The following GNA12 variants were observed in gnomAD, a reference collection of about 807,000 sequenced individuals.
The protein encoded by GNA12 is guanine nucleotide-binding protein subunit alpha-12.
Under a neutral mutation model 26.0 loss-of-function variants are expected in GNA12, and 9 were observed. That is an observed-to-expected ratio of 0.35 (90% CI 0.21 to 0.60). The LOEUF is 0.60. Ranked by LOEUF, GNA12 falls within the 20% of genes least tolerant of loss-of-function variation. The probability of loss-of-function intolerance (pLI) is 0.78; values close to 1 mark genes in which losing one functional copy is unlikely to be tolerated. For missense variants in GNA12, 405 were observed against 525.8 expected (o/e 0.77, Z 2.25); for synonymous variants, 264 against 219.6 (o/e 1.20, Z -1.79).
chr7:2,836,021 G>A, intron 1 of GNA12: 1 of 324,220 alleles, frequency 3.1e-6, no homozygotes, highest in South Asian at 4.1e-5. Context: ...GCTGATGAAA[G>A]TTAAACATTT....
intron 2 of GNA12, among the ~76,000 whole-genome samples, chr7:2,768,691 A>AAAAAAAAC (rs1791874212): frequency 7.0e-6 from 1 of 142,588 alleles, no homozygotes. Context: ...ACAAAACAAA[A>AAAAAAAAC]AAAAAAACAG....
In GNA12 at chr7:2,814,342, C is replaced by T. The variant is rs376754720; in HGVS notation, c.310-19199G>A. The T allele has an allele frequency of 2.9e-5, 47 of 1,602,988 alleles. 4 individuals carry two copies. The Middle Eastern group carries it at 6.6e-3, about 227-fold the overall frequency. On this transcript the variant is annotated intron_variant, in intron 1 of 3. Transcript: ENST00000275364. Reference sequence around the variant, plus strand: ...ACCCAGGGTGTGCAATGAGTAGGTGCTCAAAACGGCAGCACTTTCGGTTTC... The same window carrying T: ...ACCCAGGGTGTGCAATGAGTAGGTGTTCAAAACGGCAGCACTTTCGGTTTC...
intron 1 of GNA12, among the ~76,000 whole-genome samples, chr7:2,834,016 T>C: frequency 6.6e-6 from 1 of 152,214 alleles, no homozygotes; most frequent in Non-Finnish European, 1.5e-5. Flanking sequence ...GGGCCACTAG[T>C]AGGCCCACTC....
chr7:2,748,126 C>T (rs1790856687), intron 2 of GNA12, among the ~76,000 whole-genome samples: 3 of 150,884 alleles, frequency 2.0e-5, no homozygotes, highest in Middle Eastern at 3.2e-3. Flanking sequence ...ATCAAGCTAC[C>T]AATGACTTTC....
Position 2,731,717 on chromosome 7 carries a change from C to T in GNA12, c.610G>A (p.Ala204Thr). 1 of 1,568,236 alleles carries T rather than the reference C, an allele frequency of 6.4e-7. No homozygotes were observed. Among genetic ancestry groups the T allele is most frequent in the Non-Finnish European group, 8.7e-7 (1 of 1,152,760 alleles). ...ACAATTCCCTTGGTGGCTTTCCTAG[C>T]CAGCAGGATATCTTGCTTACTAGGA... ...YFPSKQDILL[A>T]RKATKGIVEH... Residue 204 changes from alanine (A) to threonine (T), a missense_variant, in exon 4 of 4, where the codon GCT becomes ACT. Coordinates refer to ENST00000275364, the MANE Select transcript of GNA12 (RefSeq NM_007353.3). This position sits in a 1 kb window ranked among gnomAD's most constrained non-coding sequence, Gnocchi z 6.0.
chr7:2,735,941 G>C (rs1426304125), intron 2 of GNA12, among the ~76,000 whole-genome samples: 1 of 152,134 alleles, frequency 6.6e-6, no homozygotes, highest in Non-Finnish European at 1.5e-5. Context: ...CCAGAACGCT[G>C]TCACTCACAT....
In GNA12 at chr7:2,843,292, C is replaced by T. The variant is rs538906329; in HGVS notation, c.309+561G>A. On this transcript the variant is annotated intron_variant, in intron 1 of 3. Coordinates refer to ENST00000275364, the MANE Select transcript of GNA12 (RefSeq NM_007353.3). ...GGGGGCTAAGTGCCAAGCCCCCACT[C>T]CCCATCCCCAGAAGCTGGCCCGAGT... Among the ~76,000 whole-genome samples the T allele has an allele frequency of 9.9e-5, 15 of 152,254 alleles. No homozygotes were observed. The East Asian group carries it at 2.1e-3, about 22-fold the overall frequency.
At chr7:2,822,870 C>G (rs1425871329) in intron 1 of GNA12, among the ~76,000 whole-genome samples, 1 of 152,158 alleles carries the variant, frequency 6.6e-6, no homozygotes, top group Non-Finnish European at 1.5e-5. Context: ...GAGATAAACA[C>G]TCAACCCCCT....
At chr7:2,741,831 G>A (rs113568593) in intron 2 of GNA12, among the ~76,000 whole-genome samples, 155 of 150,584 alleles carry the variant, frequency 1.0e-3, no homozygotes, top group African/African-American at 3.4e-3. Flanking sequence ...GGAGAACGCC[G>A]CAAGGATAAG....
chr7:2,737,268 T>C (rs1790235924), intron 2 of GNA12, among the ~76,000 whole-genome samples: 1 of 106,634 alleles, frequency 9.4e-6, no homozygotes, highest in Non-Finnish European at 1.8e-5. Context: ...CTCACAGTTT[T>C]GTTTTGTTTT....
At chr7:2,824,878 T>A (rs1458041634) in intron 1 of GNA12, among the ~76,000 whole-genome samples, 1 of 152,174 alleles carries the variant, frequency 6.6e-6, no homozygotes, top group Admixed American at 6.5e-5. Context: ...CTGAATAGAA[T>A]CTGCATTTGA....
At chr7:2,822,222 G>C (rs1489104948) in intron 1 of GNA12, among the ~76,000 whole-genome samples, 2 of 152,120 alleles carry the variant, frequency 1.3e-5, no homozygotes, top group African/African-American at 2.4e-5. Flanking sequence ...GTTGTTCTTC[G>C]TACGTTTTCA....
chr7:2,772,970 A>G (rs186139956), intron 2 of GNA12, among the ~76,000 whole-genome samples: 8 of 152,358 alleles, frequency 5.3e-5, no homozygotes, highest in Admixed American at 4.6e-4. Context: ...GAAAATACCA[A>G]TCCACGTAGC....
chr7:2,751,399 GAAA>G (rs67434697), intron 2 of GNA12, among the ~76,000 whole-genome samples: 2 of 101,228 alleles, frequency 2.0e-5, no homozygotes, highest in African/African-American at 3.6e-5. Context: ...AAAGAAAAAA[GAAA>G]AAAAAAAAAA....
intron 2 of GNA12, among the ~76,000 whole-genome samples, chr7:2,764,438 T>C (rs372866046): frequency 2.6e-5 from 4 of 152,124 alleles, no homozygotes; most frequent in Middle Eastern, 3.4e-3. Flanking sequence ...CAGAGGAGAG[T>C]TGAGATTCCG....
intron 2 of GNA12, among the ~76,000 whole-genome samples, chr7:2,766,054 G>A (rs1791793609): frequency 6.6e-6 from 1 of 152,186 alleles, no homozygotes; most frequent in Non-Finnish European, 1.5e-5. Context: ...ACGTTGTTGT[G>A]AAACCGATCT....
chr7:2,744,037 G>A (rs1790642534), intron 2 of GNA12, among the ~76,000 whole-genome samples: 1 of 152,362 alleles, frequency 6.6e-6, no homozygotes, highest in South Asian at 2.1e-4. Context: ...CAAACTGGGT[G>A]GAGCCCACCA....
At chr7:2,769,118 G>A (rs1235787715) in intron 2 of GNA12, among the ~76,000 whole-genome samples, 1 of 152,042 alleles carries the variant, frequency 6.6e-6, no homozygotes, top group East Asian at 1.9e-4. Context: ...TAGCCAGGCT[G>A]GTCTCGAACT....
chr7:2,748,308 A>G (rs1463415823), intron 2 of GNA12, among the ~76,000 whole-genome samples: 2 of 152,226 alleles, frequency 1.3e-5, no homozygotes, highest in Non-Finnish European at 2.9e-5. Flanking sequence ...GTACCAAAAC[A>G]GACACATAGA....
Sources: gnomAD v4.1 joint callset for allele counts (sites outside exome capture counted in the v4.1 genomes callset) on GRCh38, gnomAD v4.1.1 for gene constraint, Gnocchi (gnomAD v3.1) non-coding constraint, MANE v1.5 for transcripts, NCBI Gene and HGNC (gene_info 2026-07-23, HGNC 2026-07-21) for gene names.